LINC00305: variants seen among roughly 807,000 people sequenced by gnomAD.
LINC00305 encodes the protein long independently transcribed non-coding RNA 305.
intron 3 of LINC00305, among the ~76,000 whole-genome samples, chr18:64,090,769 A>T (rs999085276): frequency 6.6e-6 from 1 of 152,184 alleles, no homozygotes; most frequent in Non-Finnish European, 1.5e-5. Context: ...ATCTGCCTGA[A>T]TTGTATCATT....
intron 3 of LINC00305, chr18:64,080,407 A>G: frequency 2.2e-6 from 1 of 449,856 alleles, no homozygotes; most frequent in Non-Finnish European, 4.5e-6. Context: ...TGCATGCTGT[A>G]CAAACAAAAG....
chr18:64,143,910 T>G (rs1222356198), intron 1 of LINC00305, among the ~76,000 whole-genome samples: 1 of 152,138 alleles, frequency 6.6e-6, no homozygotes, highest in Non-Finnish European at 1.5e-5. Flanking sequence ...AGATAATTCT[T>G]AATTCAAACA....
At chr18:64,138,644 T>C (rs1312973175) in intron 1 of LINC00305, among the ~76,000 whole-genome samples, 5 of 152,152 alleles carry the variant, frequency 3.3e-5, no homozygotes, top group Non-Finnish European at 5.9e-5. Context: ...CCGGGTTGTT[T>C]TCCTTCACCG....
chr18:64,097,834 C>A (rs1164365553), exon 3 of LINC00305: 1 of 456,442 alleles, frequency 2.2e-6, no homozygotes, highest in South Asian at 1.6e-5. Context: ...TTGAACTTAC[C>A]TTTATTCTTC....
At chr18:64,111,708 C>T (rs1293911555) in intron 1 of LINC00305, among the ~76,000 whole-genome samples, 1 of 152,116 alleles carries the variant, frequency 6.6e-6, no homozygotes, top group African/African-American at 2.4e-5. Flanking sequence ...TGGGTCCCTG[C>T]TCTCTCTGGA....
chr18:64,094,337 G>T (rs970795447), intron 3 of LINC00305, among the ~76,000 whole-genome samples: 3 of 152,146 alleles, frequency 2.0e-5, no homozygotes, highest in African/African-American at 7.2e-5. Context: ...ATTAAGGAAA[G>T]CAAGTCCTGG....
chr18:64,145,947 T>C (rs1464354365), intron 1 of LINC00305, among the ~76,000 whole-genome samples: 2 of 152,146 alleles, frequency 1.3e-5, no homozygotes, highest in African/African-American at 4.8e-5. Context: ...ACTCACAAGA[T>C]AGATTGCAGA....
chr18:64,098,521 T>A lies in LINC00305; in HGVS notation n.378+56A>T, dbSNP rs1421064960. The A allele has an allele frequency of 4.6e-6, 2 of 435,252 alleles. 1 individual carries two copies. The highest frequency in any genetic ancestry group is 1.4e-4 in the East Asian group (2 of 14,216). The allele number at this position is 435,252 out of a possible 1,614,324, so 27.0% of individuals were successfully genotyped here. ...ATTATGAGAAACTCTATAAATAGGGTTAATTTTTTTCTTAGGTTTGTAACT... is the reference window on the plus strand; with the variant it reads ...ATTATGAGAAACTCTATAAATAGGGATAATTTTTTTCTTAGGTTTGTAACT... On this transcript the variant is annotated intron_variant and non_coding_transcript_variant, in intron 2 of 3. Coordinates refer to ENST00000666468, the Ensembl canonical transcript of LINC00305.
At chr18:64,090,363 A>T (rs2051220202) in intron 3 of LINC00305, among the ~76,000 whole-genome samples, 1 of 152,176 alleles carries the variant, frequency 6.6e-6, no homozygotes, top group African/African-American at 2.4e-5. Flanking sequence ...TTCTGAACTT[A>T]CTTGATAATA....
At chr18:64,092,487 G>A (rs1378008669) in intron 3 of LINC00305, among the ~76,000 whole-genome samples, 1 of 150,680 alleles carries the variant, frequency 6.6e-6, no homozygotes, top group African/African-American at 2.4e-5. Context: ...GCTTGAACCC[G>A]GGAGGCAGAG....
At chr18:64,131,723 C>T (rs557852505) in intron 1 of LINC00305, among the ~76,000 whole-genome samples, 2 of 152,266 alleles carry the variant, frequency 1.3e-5, no homozygotes, top group East Asian at 3.9e-4. Context: ...TAGCAAAGTA[C>T]TAGAAATGTT....
At chr18:64,137,318 C>A (rs2051439500) in intron 1 of LINC00305, among the ~76,000 whole-genome samples, 1 of 152,180 alleles carries the variant, frequency 6.6e-6, no homozygotes, top group Non-Finnish European at 1.5e-5. Flanking sequence ...TTTTTGACTT[C>A]TAGCCTCCAG....
intron 1 of LINC00305, among the ~76,000 whole-genome samples, chr18:64,134,190 G>A (rs17723880): frequency 0.035 from 5,301 of 152,144 alleles, 128 homozygotes; most frequent in Middle Eastern, 0.061. Flanking sequence ...AGGTAAATTC[G>A]TCACTTTTAG....
At chr18:64,136,141 T>A in intron 1 of LINC00305, among the ~76,000 whole-genome samples, 1 of 152,192 alleles carries the variant, frequency 6.6e-6, no homozygotes. Context: ...GGTAGGCAGT[T>A]CCATAGGCTT....
At chr18:64,082,748 AAC>A (rs1341127233) in intron 3 of LINC00305, among the ~76,000 whole-genome samples, 5 of 152,116 alleles carry the variant, frequency 3.3e-5, no homozygotes, top group Non-Finnish European at 7.4e-5. Context: ...TTAGTTTCTC[AAC>A]ACAGTTTTAG....
intron 3 of LINC00305, among the ~76,000 whole-genome samples, chr18:64,092,017 G>T (rs980015505): frequency 3.9e-5 from 6 of 152,146 alleles, no homozygotes; most frequent in African/African-American, 1.4e-4. Flanking sequence ...TGAGGTATGA[G>T]AATAAAAATG....
chr18:64,105,533 A>G (rs1451634685), intron 1 of LINC00305, among the ~76,000 whole-genome samples: 1 of 152,154 alleles, frequency 6.6e-6, no homozygotes, highest in African/African-American at 2.4e-5. Flanking sequence ...CTCAAATTGT[A>G]TAAACATTAT....
At chr18:64,145,507 T>C (rs575604128) in intron 1 of LINC00305, among the ~76,000 whole-genome samples, 195 of 152,310 alleles carry the variant, frequency 1.3e-3, no homozygotes, top group South Asian at 8.1e-3. Flanking sequence ...AACCTGCCGA[T>C]CTGCCTGGGA....
intron 1 of LINC00305, among the ~76,000 whole-genome samples, chr18:64,120,408 G>C (rs1375986787): frequency 6.6e-6 from 1 of 151,988 alleles, no homozygotes; most frequent in Non-Finnish European, 1.5e-5. Flanking sequence ...CCTTATCCCT[G>C]TGTGGTATGC....
Sources: gnomAD v4.1 joint callset for allele counts (sites outside exome capture counted in the v4.1 genomes callset) on GRCh38, gnomAD v4.1.1 for gene constraint, MANE v1.5 for transcripts, NCBI Gene and HGNC (gene_info 2026-07-23, HGNC 2026-07-21) for gene names.